Variants in CUX1 observed in about 807,000 individuals in gnomAD.
The protein encoded by CUX1 is cut like homeobox 1.
A neutral mutation model predicts 158.8 loss-of-function variants in CUX1; 31 were observed. That is an observed-to-expected ratio of 0.20 (90% CI 0.15 to 0.26). The LOEUF is 0.26. CUX1 is among the 10% of genes least tolerant of loss of function. The pLI, the probability that CUX1 is intolerant of heterozygous loss-of-function variation, is 1.00. For missense variants in CUX1, 1,589 were observed against 2,014.6 expected, an observed-to-expected ratio of 0.79 and a Z score of 4.04; for synonymous variants, 879 against 862.1, an observed-to-expected ratio of 1.02 and a Z score of -0.34.
rs537760895 is a variant in CUX1 at position 102,177,357 on chromosome 7, T to C, written c.829-1112T>C. ...TGAACGCAGGAGACGGAGGTTACAGTGAGCCGAGATCGCGCCACTGCACTC... is the reference window on the plus strand; with the variant it reads ...TGAACGCAGGAGACGGAGGTTACAGCGAGCCGAGATCGCGCCACTGCACTC... On this transcript the variant is annotated intron_variant, in intron 10 of 23. Transcript: ENST00000292535. 2.9e-3 allele frequency among the ~76,000 whole-genome samples: 434 copies of C among 147,252 alleles called. 2 individuals are homozygous for C. Among genetic ancestry groups the C allele is most frequent in the African/African-American group, 9.3e-3 (367 of 39,596 alleles).
Position 102,196,984 on chromosome 7 carries a change from C to G in CUX1, c.1573C>G (p.Gln525Glu), listed in dbSNP as rs782573636. ...CATATCTTCCCAAAGTCCATTACAACAAAGCCCAGATGTCAATGGCATGGC... is the reference window on the plus strand; with the variant it reads ...CATATCTTCCCAAAGTCCATTACAAGAAAGCCCAGATGTCAATGGCATGGC... ...NSISSQSPLQQSPDVNGMAPS... is the reference protein window; with the variant it reads ...NSISSQSPLQESPDVNGMAPS... The change falls in exon 15 of 24, where the codon CAA (glutamine) becomes GAA (glutamate). Residue 525 changes from glutamine (Q) to glutamate (E), a missense_variant. Coordinates refer to ENST00000292535, the MANE Select transcript of CUX1 (RefSeq NM_181552.4). 10 of 1,614,242 alleles carry G rather than the reference C, an allele frequency of 6.2e-6. No individual in the cohort carries two copies. Among genetic ancestry groups the G allele is most frequent in the Non-Finnish European group, 7.6e-6 (9 of 1,180,034 alleles).
intron 8 of CUX1, among the ~76,000 whole-genome samples, chr7:102,135,152 A>G (rs1833760555): frequency 6.6e-6 from 1 of 152,144 alleles, no homozygotes. Context: ...TCCAAGTACA[A>G]CTTTTGACTC....
At chr7:101,934,403 A>G (rs1343449925) in intron 2 of CUX1, among the ~76,000 whole-genome samples, 1 of 152,166 alleles carries the variant, frequency 6.6e-6, no homozygotes, top group Non-Finnish European at 1.5e-5. Context: ...ACAACCTTCA[A>G]TACTTAACAG....
At position 102,200,757 on chromosome 7, in the gene CUX1, C is replaced by T. The variant is rs191358273; in HGVS notation, c.2062+585C>T. Among the ~76,000 whole-genome samples the T allele has an allele frequency of 7.1e-3, 1,077 of 151,842 alleles. 4 individuals are homozygous for T. Among genetic ancestry groups the T allele is most frequent in the Non-Finnish European group, 0.012 (787 of 67,904 alleles). ...TATAAAAATTATCAGAGGTCAGGCG[C>T]GGTGGCTCACACCTGCAATCCTGGC... On this transcript the variant is annotated intron_variant, in intron 17 of 23. Coordinates refer to ENST00000292535, the MANE Select transcript of CUX1 (RefSeq NM_181552.4).
intron 1 of CUX1, among the ~76,000 whole-genome samples, chr7:101,883,507 C>T (rs1388198380): frequency 1.3e-5 from 2 of 152,114 alleles, no homozygotes; most frequent in African/African-American, 2.4e-5. Flanking sequence ...TTAAGAAATA[C>T]AGGGGTCGGG....
intron 8 of CUX1, among the ~76,000 whole-genome samples, chr7:102,119,721 A>C (rs1554492886): frequency 6.6e-6 from 1 of 151,840 alleles, no homozygotes; most frequent in Non-Finnish European, 1.5e-5. Context: ...TCTTTTTTGA[A>C]ATTTTTTTAG....
chr7:101,976,244 T>C (rs1007034591), intron 2 of CUX1, among the ~76,000 whole-genome samples: 2 of 152,238 alleles, frequency 1.3e-5, no homozygotes, highest in East Asian at 1.9e-4. Flanking sequence ...TTCTGTACTC[T>C]CTTATAGTAA....
chr7:102,042,449 T>C (rs1822227252), intron 3 of CUX1, among the ~76,000 whole-genome samples: 1 of 152,264 alleles, frequency 6.6e-6, no homozygotes, highest in Admixed American at 6.5e-5. Flanking sequence ...TCTTCTTAGA[T>C]TGGCATGTTA....
intron 6 of CUX1, among the ~76,000 whole-genome samples, chr7:102,110,186 C>T (rs980202581): frequency 1.3e-5 from 2 of 152,134 alleles, no homozygotes; most frequent in Non-Finnish European, 2.9e-5. Flanking sequence ...TAGTATATTA[C>T]ATTACTTCAT....
At position 102,249,681 on chromosome 7, in the gene CUX1, G is replaced by A. The variant is rs928875268; in HGVS notation, c.*639G>A. The A allele has an allele frequency of 7.1e-6, 7 of 985,464 alleles. No individual in the cohort carries two copies. In the African/African-American group the frequency reaches 1.0e-4, roughly 15 times the overall value. 61.0% of individuals were successfully genotyped at this position (985,464 alleles called of 1,614,324 possible). ...TTCTTAAACCAGGAAAAAATAAAAG[G>A]GGGGGTGGGATTTTTCAGAAAAATT... On this transcript the variant is annotated 3_prime_UTR_variant, in exon 24 of 24. Coordinates refer to ENST00000292535, the MANE Select transcript of CUX1 (RefSeq NM_181552.4).
intron 21 of CUX1, among the ~76,000 whole-genome samples, chr7:102,228,045 G>A (rs868907773): frequency 2.2e-5 from 3 of 139,388 alleles, no homozygotes; most frequent in Non-Finnish European, 3.0e-5. Context: ...CTGCCTCCCC[G>A]GTTCAAGTGA....
At chr7:101,926,164 G>A (rs1251758712) in intron 2 of CUX1, among the ~76,000 whole-genome samples, 1 of 152,148 alleles carries the variant, frequency 6.6e-6, no homozygotes, top group African/African-American at 2.4e-5. Flanking sequence ...GAAAACCCCA[G>A]TAATCAACTT....
chr7:102,082,360 C>T (rs925739843), intron 4 of CUX1, among the ~76,000 whole-genome samples: 1 of 146,416 alleles, frequency 6.8e-6, no homozygotes, highest in African/African-American at 2.4e-5. Context: ...AACCCCGTCT[C>T]TACTAAAAAT....
intron 4 of CUX1, among the ~76,000 whole-genome samples, chr7:102,092,102 T>C (rs1195474706): frequency 6.6e-6 from 1 of 152,256 alleles, no homozygotes; most frequent in Non-Finnish European, 1.5e-5. Flanking sequence ...AATCTGACCA[T>C]TGGCTCATTT....
At chr7:102,193,711 A>C in intron 12 of CUX1, 131 bp from the exon 13 acceptor site, 29 of 815,596 alleles carry the variant, frequency 3.6e-5, no homozygotes, top group Non-Finnish European at 4.7e-5. Context: ...AGGCTGAGGT[A>C]GGAGAATCGC....
chr7:102,249,027 C>A lies in CUX1; in HGVS notation c.4503C>A (p.Ile1501=). The change falls in exon 24 of 24, where the codon ATC becomes ATA. Residue 1501 remains isoleucine (I), a synonymous_variant. Transcript: ENST00000292535. ...LEKAASREEP[I]EWEF ...AGGCCGCCAGCCGGGAGGAACCTAT[C>A]GAATGGGAGTTCTGAGGGGCCGCGG... The A allele has an allele frequency of 7.3e-7, 1 of 1,365,024 alleles. No individual in the cohort carries two copies. Among genetic ancestry groups the A allele is most frequent in the Non-Finnish European group, 9.6e-7 (1 of 1,046,218 alleles). The allele number at this position is 1,365,024 out of a possible 1,614,324, so 84.6% of individuals were successfully genotyped here.
intron 2 of CUX1, among the ~76,000 whole-genome samples, chr7:102,007,018 T>G (rs1337199711): frequency 1.3e-5 from 2 of 152,216 alleles, no homozygotes; most frequent in African/African-American, 4.8e-5. Flanking sequence ...CGAGCTGCCT[T>G]GGGATGGATC....
At chr7:102,046,364 C>G (rs1289212918) in intron 3 of CUX1, among the ~76,000 whole-genome samples, 1 of 152,104 alleles carries the variant, frequency 6.6e-6, no homozygotes, top group African/African-American at 2.4e-5. Flanking sequence ...TCTGAAGTAG[C>G]TGGGATTACA....
chr7:102,263,011 C>CTTTT (rs58568731), downstream of CUX1, among the ~76,000 whole-genome samples: 1 of 127,218 alleles, frequency 7.9e-6, no homozygotes, highest in African/African-American at 3.0e-5. Context: ...AAGGGTTAAA[C>CTTTT]TTTTTTTTTT....
Sources: gnomAD v4.1 joint callset for allele counts (sites outside exome capture counted in the v4.1 genomes callset) on GRCh38, gnomAD v4.1.1 for gene constraint, MANE v1.5 for transcripts, NCBI Gene and HGNC (gene_info 2026-07-23, HGNC 2026-07-21) for gene names.